Variants in KCNH1 observed in about 807,000 individuals in gnomAD.
KCNH1 encodes voltage-gated delayed rectifier potassium channel KCNH1.
Under a neutral mutation model 69.2 loss-of-function variants are expected in KCNH1, and 27 were observed. The ratio of observed to expected loss-of-function variants is 0.39; its 90% CI spans 0.29 to 0.54. The LOEUF is 0.54. Ranked by LOEUF, KCNH1 falls within the 20% of genes least tolerant of loss-of-function variation. The probability of loss-of-function intolerance (pLI) is 0.68; values close to 1 mark genes in which losing one functional copy is unlikely to be tolerated. For synonymous variants in KCNH1, 456 were observed against 487.7 expected, an observed-to-expected ratio of 0.93 and a Z score of 0.86; for missense variants, 798 against 1,261.6, an observed-to-expected ratio of 0.63 and a Z score of 5.57.
intron 7 of KCNH1, among the ~76,000 whole-genome samples, chr1:210,823,552 C>G (rs1170269255): frequency 5.3e-5 from 8 of 152,206 alleles, no homozygotes; most frequent in Non-Finnish European, 4.4e-5. Flanking sequence ...CAAATTCTCT[C>G]TTACTAGAGA....
At chr1:211,109,555 G>C (rs1476170444) in intron 1 of KCNH1, among the ~76,000 whole-genome samples, 1 of 152,110 alleles carries the variant, frequency 6.6e-6, no homozygotes, top group Non-Finnish European at 1.5e-5. Flanking sequence ...AAAACACCTA[G>C]AGCAGGAGGA....
At chr1:210,835,758 G>A (rs527836751) in intron 7 of KCNH1, among the ~76,000 whole-genome samples, 1 of 152,240 alleles carries the variant, frequency 6.6e-6, no homozygotes, top group Non-Finnish European at 1.5e-5. Context: ...GGTAGGGATA[G>A]GATGGAGAAG....
chr1:210,830,381 C>T (rs904323882), intron 7 of KCNH1, among the ~76,000 whole-genome samples: 3 of 152,182 alleles, frequency 2.0e-5, no homozygotes, highest in East Asian at 1.9e-4. Flanking sequence ...CAAATAAAAG[C>T]GTCTGTGTTT....
intron 6 of KCNH1, among the ~76,000 whole-genome samples, chr1:210,974,302 T>A (rs747595421): frequency 9.2e-5 from 14 of 152,170 alleles, no homozygotes; most frequent in Non-Finnish European, 1.8e-4. Context: ...TTTTCTTTTA[T>A]CATATTAATA....
At chr1:210,749,803 C>T (rs905579109) in intron 10 of KCNH1, among the ~76,000 whole-genome samples, 5 of 143,322 alleles carry the variant, frequency 3.5e-5, no homozygotes, top group African/African-American at 1.3e-4. Flanking sequence ...AGTACAATGG[C>T]GTGATCTCAT....
At chr1:211,092,129 C>T (rs2102474329) in intron 3 of KCNH1, among the ~76,000 whole-genome samples, 1 of 152,344 alleles carries the variant, frequency 6.6e-6, no homozygotes, top group African/African-American at 2.4e-5. Context: ...GTAGCCAGCA[C>T]TGTGCTCAGC....
chr1:210,832,847 A>G (rs971784527), intron 7 of KCNH1, among the ~76,000 whole-genome samples: 2 of 150,370 alleles, frequency 1.3e-5, no homozygotes, highest in African/African-American at 4.9e-5. Context: ...TATATCAGCA[A>G]ATTACAATGG....
intron 5 of KCNH1, among the ~76,000 whole-genome samples, chr1:211,034,935 C>T (rs1048935125): frequency 6.6e-6 from 1 of 152,180 alleles, no homozygotes; most frequent in African/African-American, 2.4e-5. Flanking sequence ...AATGGCTCTT[C>T]TGTGACAGTT....
chr1:210,718,641 CAT>C (rs772681835), intron 10 of KCNH1, among the ~76,000 whole-genome samples: 1,077 of 72,196 alleles, frequency 0.015, 185 homozygotes, highest in Non-Finnish European at 0.017. Flanking sequence ...TATATATATA[CAT>C]ATATATATAC....
intron 6 of KCNH1, among the ~76,000 whole-genome samples, chr1:210,999,922 T>C (rs1332774414): frequency 1.3e-5 from 2 of 152,188 alleles, no homozygotes; most frequent in African/African-American, 2.4e-5. Context: ...ACCACATGAT[T>C]ATCTCAATAG....
chr1:210,763,472 C>G (rs1407193789), intron 10 of KCNH1, among the ~76,000 whole-genome samples: 1 of 151,638 alleles, frequency 6.6e-6, no homozygotes, highest in Admixed American at 6.6e-5. Context: ...TCTAAAAAAC[C>G]CTAAAGACCA....
intron 10 of KCNH1, among the ~76,000 whole-genome samples, chr1:210,708,835 C>A (rs1023032865): frequency 1.1e-4 from 16 of 152,212 alleles, no homozygotes; most frequent in Admixed American, 3.3e-4. Flanking sequence ...ACCCTAACTC[C>A]TCCAACCAGC....
intron 5 of KCNH1, among the ~76,000 whole-genome samples, chr1:211,074,934 A>G (rs1360798669): frequency 6.6e-6 from 1 of 152,176 alleles, no homozygotes; most frequent in African/African-American, 2.4e-5. Context: ...TTTGCAATAA[A>G]TCTCTTAATA....
At chr1:210,883,537 T>G (rs576941618) in intron 7 of KCNH1, among the ~76,000 whole-genome samples, 1 of 152,242 alleles carries the variant, frequency 6.6e-6, no homozygotes, top group Non-Finnish European at 1.5e-5. Flanking sequence ...CCAGAGACTA[T>G]GTTTAAATAT....
intron 7 of KCNH1, among the ~76,000 whole-genome samples, chr1:210,895,024 A>T (rs1686833448): frequency 6.6e-6 from 1 of 152,204 alleles, no homozygotes; most frequent in East Asian, 1.9e-4. Context: ...CTCTCAAGGC[A>T]GTAAACTGGG....
intron 10 of KCNH1, among the ~76,000 whole-genome samples, chr1:210,717,846 C>G (rs1299475119): frequency 1.3e-5 from 2 of 152,142 alleles, no homozygotes; most frequent in African/African-American, 4.8e-5. Context: ...TGGCTCATGC[C>G]TGTAATCCCA....
intron 7 of KCNH1, among the ~76,000 whole-genome samples, chr1:210,828,779 T>A (rs1194621256): frequency 2.0e-5 from 3 of 152,174 alleles, no homozygotes; most frequent in Admixed American, 6.5e-5. Context: ...GGGGCTCCAC[T>A]CTTAGGTAGA....
chr1:210,972,701 GAA>G (rs764009173), intron 6 of KCNH1, among the ~76,000 whole-genome samples: 2 of 152,000 alleles, frequency 1.3e-5, no homozygotes, highest in Non-Finnish European at 2.9e-5. Context: ...TGCTTCACTG[GAA>G]AAAGTCTATA....
At chr1:210,902,494 A>G (rs1410619951) in intron 7 of KCNH1, among the ~76,000 whole-genome samples, 1 of 152,212 alleles carries the variant, frequency 6.6e-6, no homozygotes, top group Non-Finnish European at 1.5e-5. Flanking sequence ...TGAGGCTAAA[A>G]GGGAAGTCTT....
Sources: gnomAD v4.1 joint callset for allele counts (sites outside exome capture counted in the v4.1 genomes callset) on GRCh38, gnomAD v4.1.1 for gene constraint, MANE v1.5 for transcripts, NCBI Gene and HGNC (gene_info 2026-07-23, HGNC 2026-07-21) for gene names.